Variants in CCNY observed in about 807,000 individuals in gnomAD.
CCNY encodes cyclin-Y.
A neutral mutation model predicts 42.8 loss-of-function variants in CCNY; 19 were observed. The observed-to-expected ratio is 0.44, with a 90% CI of 0.31 to 0.65. The LOEUF is 0.65. Among genes scored for constraint, CCNY ranks in the 30% least tolerant of loss-of-function variants. CCNY has a pLI of 0.07. For missense variants in CCNY, 370 were observed against 437.3 expected (o/e 0.85, Z 1.37); for synonymous variants, 165 against 162.7 (o/e 1.01, Z -0.11).
intron 3 of CCNY, among the ~76,000 whole-genome samples, chr10:35,505,721 G>A (rs1840202504): frequency 6.6e-6 from 1 of 152,120 alleles, no homozygotes. Context: ...TATTATTATT[G>A]TCCATTGGAA....
intron 3 of CCNY, among the ~76,000 whole-genome samples, chr10:35,314,182 C>G (rs1479864118): frequency 6.6e-6 from 1 of 152,026 alleles, no homozygotes; most frequent in Non-Finnish European, 1.5e-5. Flanking sequence ...TTAGATCACA[C>G]TCATATTAGT....
intron 1 of CCNY, among the ~76,000 whole-genome samples, chr10:35,365,904 C>T (rs1431026873): frequency 2.0e-5 from 3 of 152,124 alleles, no homozygotes; most frequent in African/African-American, 7.2e-5. Context: ...GTGTATATTG[C>T]AAAACCAGAG....
chr10:35,392,483 A>G (rs1487182164), intron 1 of CCNY, among the ~76,000 whole-genome samples: 2 of 152,208 alleles, frequency 1.3e-5, no homozygotes, highest in East Asian at 1.9e-4. Context: ...ATTGAGGATG[A>G]GGAGGTCCAG....
intron 1 of CCNY, among the ~76,000 whole-genome samples, chr10:35,455,947 G>T (rs1489174174): frequency 6.6e-6 from 1 of 151,546 alleles, no homozygotes; most frequent in Non-Finnish European, 1.5e-5. Flanking sequence ...GCATCCCAAA[G>T]TGTTGGGATT....
At chr10:35,325,189 T>G (rs956193170) in intron 3 of CCNY, among the ~76,000 whole-genome samples, 1 of 152,196 alleles carries the variant, frequency 6.6e-6, no homozygotes, top group Non-Finnish European at 1.5e-5. Context: ...TCATTTTTGT[T>G]GTTTTTTGAG....
chr10:35,312,106 G>A (rs1417759958), intron 3 of CCNY, among the ~76,000 whole-genome samples: 1 of 151,972 alleles, frequency 6.6e-6, no homozygotes, highest in East Asian at 1.9e-4. Flanking sequence ...GGCTGGTCGC[G>A]GTGGCTCACA....
chr10:35,327,459 T>C (rs1442361955), intron 3 of CCNY, among the ~76,000 whole-genome samples: 2 of 152,202 alleles, frequency 1.3e-5, no homozygotes, highest in Non-Finnish European at 2.9e-5. Flanking sequence ...TTTTAGCATA[T>C]TTTGCCCAAC....
intron 1 of CCNY, among the ~76,000 whole-genome samples, chr10:35,456,780 A>G (rs1839044733): frequency 6.6e-6 from 1 of 152,206 alleles, no homozygotes; most frequent in Non-Finnish European, 1.5e-5. Context: ...TTCCCTTAAA[A>G]TATATATCAG....
At chr10:35,286,104 G>A (rs1295536521) in intron 3 of CCNY, among the ~76,000 whole-genome samples, 5 of 152,016 alleles carry the variant, frequency 3.3e-5, no homozygotes, top group African/African-American at 7.3e-5. Context: ...GAACCACCAC[G>A]CCTGGCCTGG....
intron 1 of CCNY, among the ~76,000 whole-genome samples, chr10:35,450,703 T>C (rs1838897042): frequency 6.6e-6 from 1 of 152,120 alleles, no homozygotes; most frequent in South Asian, 2.1e-4. Flanking sequence ...TTTCTTTTTT[T>C]TTTTTCTTTC....
intron 1 of CCNY, among the ~76,000 whole-genome samples, chr10:35,406,226 TTTATTTATTTA>T (rs1402040725): frequency 2.7e-4 from 40 of 147,144 alleles, no homozygotes; most frequent in Admixed American, 1.9e-3. Flanking sequence ...TATTTATTTA[TTTATTTATTTA>T]TTTATTTTTT....
Position 35,487,628 on chromosome 10 carries a change from T to A in CCNY, c.229+4150T>A, listed in dbSNP as rs1839814332. ...AAGAGATTTAGGCTGGACGTGGAACTTTTTTCTTGTTCCAAGCAGGAGACT... is the reference window on the plus strand; with the variant it reads ...AAGAGATTTAGGCTGGACGTGGAACATTTTTCTTGTTCCAAGCAGGAGACT... On this transcript the variant is annotated intron_variant, in intron 2 of 9. Coordinates refer to ENST00000374704, the MANE Select transcript of CCNY (RefSeq NM_145012.6). Among the ~76,000 whole-genome samples, 3 of 152,102 alleles carry A rather than the reference T, an allele frequency of 2.0e-5. No individual in the cohort carries two copies. The South Asian group carries it at 6.2e-4, about 32-fold the overall frequency.
intron 8 of CCNY, among the ~76,000 whole-genome samples, chr10:35,565,660 G>A (rs1017862591): frequency 2.6e-5 from 4 of 152,182 alleles, no homozygotes; most frequent in African/African-American, 9.7e-5. Flanking sequence ...CCTGCGGAAG[G>A]GCCCTCACTG....
intron 1 of CCNY, among the ~76,000 whole-genome samples, chr10:35,466,211 G>T (rs1334267277): frequency 6.6e-6 from 1 of 152,112 alleles, no homozygotes; most frequent in Non-Finnish European, 1.5e-5. Context: ...GGTGGGAGTG[G>T]GAGAGAGGCA....
intron 1 of CCNY, among the ~76,000 whole-genome samples, chr10:35,481,266 C>T (rs953268655): frequency 2.0e-5 from 3 of 152,154 alleles, no homozygotes; most frequent in Non-Finnish European, 4.4e-5. Flanking sequence ...GAGGCTGTCC[C>T]TTAGAATCTG....
chr10:35,411,687 C>T (rs1837909316), intron 1 of CCNY, among the ~76,000 whole-genome samples: 1 of 152,108 alleles, frequency 6.6e-6, no homozygotes, highest in Non-Finnish European at 1.5e-5. Context: ...CATCTGACAA[C>T]CTGTTTCTCA....
chr10:35,493,350 T>TA (rs1346119551), intron 2 of CCNY, among the ~76,000 whole-genome samples: 9 of 152,226 alleles, frequency 5.9e-5, no homozygotes, highest in Non-Finnish European at 1.3e-4. Flanking sequence ...GTCCTACTGT[T>TA]AGACAGCACC....
intron 1 of CCNY, among the ~76,000 whole-genome samples, chr10:35,389,773 A>G (rs1465931720): frequency 6.6e-6 from 1 of 151,878 alleles, no homozygotes; most frequent in Non-Finnish European, 1.5e-5. Context: ...GAACTCAAAA[A>G]CCCTTTTATG....
At chr10:35,559,460 C>G (rs1295234229) in intron 8 of CCNY, among the ~76,000 whole-genome samples, 1 of 152,216 alleles carries the variant, frequency 6.6e-6, no homozygotes, top group African/African-American at 2.4e-5. Context: ...ACCAAATCTT[C>G]TAGCTGAAGA....
Sources: gnomAD v4.1 joint callset for allele counts (sites outside exome capture counted in the v4.1 genomes callset) on GRCh38, gnomAD v4.1.1 for gene constraint, MANE v1.5 for transcripts, NCBI Gene and HGNC (gene_info 2026-07-23, HGNC 2026-07-21) for gene names.